EIF2AK2: variants seen among roughly 807,000 people sequenced by gnomAD.
EIF2AK2 encodes eukaryotic translation initiation factor 2 alpha kinase 2, also known as interferon-induced, double-stranded RNA-activated protein kinase.
EIF2AK2 carries 40 observed loss-of-function variants against 70.5 expected under a neutral mutation model. That is an observed-to-expected ratio of 0.57 (90% CI 0.44 to 0.74). EIF2AK2 has a LOEUF of 0.74. Among genes scored for constraint, EIF2AK2 ranks in the 30% least tolerant of loss-of-function variants. The probability of loss-of-function intolerance (pLI) is 0.00; values close to 1 mark genes in which losing one functional copy is unlikely to be tolerated. For missense variants in EIF2AK2, 555 were observed against 644.3 expected (o/e 0.86, Z 1.50); for synonymous variants, 198 against 220.9 (o/e 0.90, Z 0.92).
chr2:37,153,337 C>CTTTTTTT (rs1553340565), intron 1 of EIF2AK2, among the ~76,000 whole-genome samples: 24 of 109,880 alleles, frequency 2.2e-4, no homozygotes, highest in African/African-American at 5.6e-4. Context: ...CTCTGCTAAT[C>CTTTTTTT]TTTTTTTTTT....
rs1306972889 is a variant in EIF2AK2, at chr2:37,102,593, ATATG to A, written c.*4676_*4679del. The A allele has an allele frequency of 3.3e-5, 5 of 152,182 alleles. No individual in the cohort carries two copies. The highest frequency in any genetic ancestry group is 9.7e-5 in the African/African-American group (4 of 41,430). The allele number at this position is 152,182 out of a possible 1,614,324, so 9.4% of individuals were successfully genotyped here. A position where few individuals can be genotyped will look rare whatever the true frequency, so the allele number is the denominator to read the frequency against. On this transcript the variant is annotated 3_prime_UTR_variant, in exon 17 of 17. Coordinates refer to ENST00000233057, the MANE Select transcript of EIF2AK2 (RefSeq NM_001135651.3). Reference sequence around the variant, plus strand: ...TCTTCTCAGATACATACATGCATATATATGTATTATATAAAATACATATTCATAC... The same window carrying A: ...TCTTCTCAGATACATACATGCATATATATTATATAAAATACATATTCATAC...
rs1673968782 is a variant in EIF2AK2 at position 37,106,506 on chromosome 2, G to T, written c.*767C>A. 1 of 150,462 alleles carries T rather than the reference G, an allele frequency of 6.6e-6. No homozygotes were observed. Among genetic ancestry groups the T allele is most frequent in the Non-Finnish European group, 1.5e-5 (1 of 67,890 alleles). The allele number at this position is 150,462 out of a possible 1,614,324, so 9.3% of individuals were successfully genotyped here. A position where few individuals can be genotyped will look rare whatever the true frequency, so the allele number is the denominator to read the frequency against. On this transcript the variant is annotated 3_prime_UTR_variant, in exon 17 of 17. Coordinates refer to ENST00000233057, the MANE Select transcript of EIF2AK2 (RefSeq NM_001135651.3). ...AGGAATAGAATTGATAGCTATGTGG[G>T]TATACATGGATTCAACTTTACTAGA... is the stretch of plus-strand genomic sequence containing the variant.
rs3953395 is a variant in EIF2AK2, at chr2:37,122,655, C to A, written c.918G>T (p.Glu306Asp). ...KRVKYNNEKA[E>D]REVKALAKLD... is the part of the protein sequence containing the mutation. ...GTTTTGCCAATGCTTTTACTTCACG[C>A]TCCGCCTTCCTAGTTAAAAGGAACA... Residue 306 changes from glutamate (E) to aspartate (D), a missense_variant, in exon 12 of 17, where the codon GAG (glutamate) becomes GAT (aspartate). This residue lies in a region of EIF2AK2 where 299 missense variants were observed against 375.4 expected (regional missense o/e 0.80). Coordinates refer to ENST00000233057, the MANE Select transcript of EIF2AK2 (RefSeq NM_001135651.3). 1.2e-6 allele frequency: 2 copies of A among 1,614,138 alleles called. No homozygotes were observed. Among genetic ancestry groups the A allele is most frequent in the South Asian group, 2.2e-5 (2 of 91,076 alleles).
At chr2:37,107,916 C>A (rs1451025183) in intron 15 of EIF2AK2, among the ~76,000 whole-genome samples, 1 of 151,932 alleles carries the variant, frequency 6.6e-6, no homozygotes, top group South Asian at 2.1e-4. Context: ...GAGGCCGAGG[C>A]GGGTGGATTG....
intron 3 of EIF2AK2, 101 bp downstream of exon 3, chr2:37,147,587 G>C (rs1272569447): frequency 1.4e-6 from 1 of 718,200 alleles, no homozygotes; most frequent in African/African-American, 1.8e-5. Flanking sequence ...CCTTGCGATA[G>C]TTTGCTGAGA....
At chr2:37,118,027 G>T (rs1201623011) in intron 13 of EIF2AK2, among the ~76,000 whole-genome samples, 1 of 152,174 alleles carries the variant, frequency 6.6e-6, no homozygotes, top group Admixed American at 6.5e-5. Context: ...AAAGCTTGAG[G>T]CCGGGTGCAG....
At chr2:37,108,672 C>T (rs1674044405) in intron 15 of EIF2AK2, among the ~76,000 whole-genome samples, 1 of 152,154 alleles carries the variant, frequency 6.6e-6, no homozygotes, top group Non-Finnish European at 1.5e-5. Context: ...CAGGTTCAAG[C>T]GATTCTCCTG....
chr2:37,112,296 C>T (rs77781356), intron 14 of EIF2AK2, among the ~76,000 whole-genome samples: 5,816 of 152,134 alleles, frequency 0.038, 153 homozygotes, highest in Non-Finnish European at 0.055. Flanking sequence ...AGAAATAGAC[C>T]CTTGGTATTT....
In EIF2AK2 at chr2:37,105,892, A is replaced by G. The variant is rs115792690; in HGVS notation, c.*1381T>C. 6.6e-6 allele frequency: 1 copy of G among 152,376 alleles called. No homozygotes were observed. Among genetic ancestry groups the G allele is most frequent in the African/African-American group, 2.4e-5 (1 of 41,594 alleles). 9.4% of individuals were successfully genotyped at this position (152,376 alleles called of 1,614,324 possible). A position where few individuals can be genotyped will look rare whatever the true frequency, so the allele number is the denominator to read the frequency against. On this transcript the variant is annotated 3_prime_UTR_variant, in exon 17 of 17. Transcript: ENST00000233057. ...TGTCACTTCTAGCCCTGTGCTCAGC[A>G]GAAAGCCATCTTACCCTTCCCGATG...
At chr2:37,108,130 A>G (rs1411293652) in intron 15 of EIF2AK2, among the ~76,000 whole-genome samples, 1 of 151,400 alleles carries the variant, frequency 6.6e-6, no homozygotes, top group Non-Finnish European at 1.5e-5. Flanking sequence ...TGGGCAATAA[A>G]AGTGAAACTC....
Position 37,141,693 on chromosome 2 carries a change from A to T in EIF2AK2, c.249T>A (p.Ser83Arg), listed in dbSNP as rs781126631. ...AATTCGTTGTTGTCAATAATAAAGG[A>T]CTAACTGCCTACAAAGAAAAAAAAT... ...EILNKEKKAVSPLLLTTTNSS... is the reference protein window; with the variant it reads ...EILNKEKKAVRPLLLTTTNSS... The change falls in exon 5 of 17, where the codon AGT (serine) becomes AGA (arginine). Residue 83 changes from serine (S) to arginine (R), a missense_variant. Ser to Arg is a moderately radical substitution (Grantham distance 110). Around this residue, in one of 3 missense-constraint regions of EIF2AK2, gnomAD observed 208 missense variants for 191.8 expected, o/e 1.08. Coordinates refer to ENST00000233057, the MANE Select transcript of EIF2AK2 (RefSeq NM_001135651.3). 39 of 1,606,554 alleles carry T rather than the reference A, an allele frequency of 2.4e-5. No individual in the cohort carries two copies. The highest frequency in any genetic ancestry group is 2.0e-5 in the Non-Finnish European group (23 of 1,177,774).
At chr2:37,154,931 TC>T in intron 1 of EIF2AK2, among the ~76,000 whole-genome samples, 1 of 101,972 alleles carries the variant, frequency 9.8e-6, no homozygotes, top group East Asian at 1.0e-3. Flanking sequence ...CAACTTCTTT[TC>T]TTCTATTTTT....
At chr2:37,139,391 G>A (rs901856607) in intron 6 of EIF2AK2, among the ~76,000 whole-genome samples, 1 of 151,140 alleles carries the variant, frequency 6.6e-6, no homozygotes, top group Non-Finnish European at 1.5e-5. Flanking sequence ...GATTACAGGT[G>A]TGAGCCACCA....
At chr2:37,117,144 C>CA (rs1674371667) in intron 13 of EIF2AK2, among the ~76,000 whole-genome samples, 1 of 147,622 alleles carries the variant, frequency 6.8e-6, no homozygotes, top group Non-Finnish European at 1.5e-5. Context: ...ACCCAGGAGT[C>CA]AGAGGCTGCA....
In EIF2AK2 at chr2:37,148,768, A is replaced by G. The variant is rs140890856; in HGVS notation, c.-17+89T>C. On this transcript the variant is annotated intron_variant, in intron 2 of 16. Coordinates refer to ENST00000233057, the MANE Select transcript of EIF2AK2 (RefSeq NM_001135651.3). ...AGTCGTGTTGTGACCCATTTAACAT[A>G]CACAAAAAACTAGCCCCCCAGAATT... is the stretch of plus-strand genomic sequence containing the variant. 1.3e-3 allele frequency: 1,047 copies of G among 822,616 alleles called. 2 individuals carry two copies. The highest frequency in any genetic ancestry group is 1.3e-3 in the Non-Finnish European group (585 of 463,252). 51.0% of individuals were successfully genotyped at this position (822,616 alleles called of 1,614,324 possible). A position where few individuals can be genotyped will look rare whatever the true frequency, so the allele number is the denominator to read the frequency against.
chr2:37,149,171 G>C (rs2307466), intron 1 of EIF2AK2, 148 bp from the exon 2 acceptor site: 61,192 of 1,028,280 alleles, frequency 0.06, 2,119 homozygotes, highest in South Asian at 0.1. Context: ...AGATTGTTTA[G>C]GATGTTTCTA....
At chr2:37,129,849 C>T (rs72860775) in intron 10 of EIF2AK2, among the ~76,000 whole-genome samples, 32,707 of 152,002 alleles carry the variant, frequency 0.22, 3,959 homozygotes, top group Middle Eastern at 0.33. Flanking sequence ...CAAAGCTACC[C>T]CTATTTATTA....
At chr2:37,107,432 A>G in intron 16 of EIF2AK2, 37 bp from the exon 17 acceptor site, 2 of 1,609,884 alleles carry the variant, frequency 1.2e-6, no homozygotes, top group Non-Finnish European at 1.7e-6. Context: ...AAGAAATAAA[A>G]CATTGAAATA....
chr2:37,122,385 C>T, intron 12 of EIF2AK2, 121 bp downstream of exon 12: 2 of 1,091,566 alleles, frequency 1.8e-6, no homozygotes, highest in Non-Finnish European at 2.6e-6. Context: ...ATAACAGTGT[C>T]TCTCAGAGGG....
Sources: gnomAD v4.1 joint callset for allele counts (sites outside exome capture counted in the v4.1 genomes callset) on GRCh38, gnomAD v4.1.1 for gene constraint, gnomAD v4.1.1 regional missense constraint, MANE v1.5 for transcripts, NCBI Gene and HGNC (gene_info 2026-07-23, HGNC 2026-07-21) for gene names.